AGAP1: variants seen among roughly 807,000 people sequenced by gnomAD.
The protein encoded by AGAP1 is arf-GAP with GTPase, ANK repeat and PH domain-containing protein 1.
A neutral mutation model predicts 105.3 loss-of-function variants in AGAP1; 29 were observed. The ratio of observed to expected loss-of-function variants is 0.28; its 90% confidence interval spans 0.21 to 0.38. AGAP1 has a LOEUF of 0.38. Ranked by LOEUF, AGAP1 falls within the 10% of genes least tolerant of loss-of-function variation. The pLI is 1.00. For synonymous variants in AGAP1, 509 were observed against 485.9 expected (o/e 1.05, Z -0.63); for missense variants, 998 against 1,165.1 (o/e 0.86, Z 2.09).
chr2:236,108,546 C>G (rs2059560412), intron 16 of AGAP1, among the ~76,000 whole-genome samples: 1 of 152,194 alleles, frequency 6.6e-6, no homozygotes, highest in African/African-American at 2.4e-5. Context: ...GCAGCTGTTT[C>G]CAAAGGAAAG....
At chr2:235,880,348 G>A (rs1166385075) in intron 9 of AGAP1, among the ~76,000 whole-genome samples, 2 of 152,112 alleles carry the variant, frequency 1.3e-5, no homozygotes, top group African/African-American at 4.8e-5. Context: ...GCATTTGTCT[G>A]AGTGGGAAGG....
intron 9 of AGAP1, among the ~76,000 whole-genome samples, chr2:235,854,580 T>C (rs1416462951): frequency 2.0e-5 from 3 of 152,194 alleles, no homozygotes; most frequent in Non-Finnish European, 4.4e-5. Flanking sequence ...CAGCGCATTA[T>C]AGGAAACCAG....
chr2:235,568,552 G>T (rs1944421016), intron 1 of AGAP1, among the ~76,000 whole-genome samples: 1 of 152,196 alleles, frequency 6.6e-6, no homozygotes, highest in South Asian at 2.1e-4. Flanking sequence ...CAGACGGCAG[G>T]AAGGAGAAGC....
rs2049131184 is a variant in AGAP1 at position 235,865,622 on chromosome 2, C to G, written c.1051-17723C>G. On this transcript the variant is annotated intron_variant, in intron 9 of 17. Transcript: ENST00000304032. The surrounding 1 kb of genome is among the most constrained non-coding windows in gnomAD (Gnocchi z 6.2). ...AACTCCCTCCACTGTACAGAAGGAG[C>G]TGCAGAAAAGCCTCCATTTGTAAAA... Among the ~76,000 whole-genome samples, 2 of 152,112 alleles carry G rather than the reference C, an allele frequency of 1.3e-5. No individual in the cohort carries two copies. The highest frequency in any genetic ancestry group is 2.1e-4 in the South Asian group (1 of 4,828).
intron 9 of AGAP1, among the ~76,000 whole-genome samples, chr2:235,859,639 C>A (rs910706608): frequency 6.6e-6 from 1 of 151,360 alleles, no homozygotes; most frequent in Non-Finnish European, 1.5e-5. Context: ...CAGAGAGACT[C>A]GCATTTGTCC....
At chr2:235,997,142 T>C (rs1402091531) in intron 13 of AGAP1, among the ~76,000 whole-genome samples, 2 of 152,230 alleles carry the variant, frequency 1.3e-5, no homozygotes, top group African/African-American at 4.8e-5. Flanking sequence ...CAGACTGTAG[T>C]GCCACGGCGC....
chr2:235,583,896 G>A (rs1439157200), intron 1 of AGAP1, among the ~76,000 whole-genome samples: 1 of 151,528 alleles, frequency 6.6e-6, no homozygotes, highest in Admixed American at 6.6e-5. Flanking sequence ...AAAAAGATGG[G>A]GTCTCACTTT....
intron 1 of AGAP1, among the ~76,000 whole-genome samples, chr2:235,565,448 T>C (rs1049939256): frequency 6.6e-6 from 1 of 152,252 alleles, no homozygotes; most frequent in African/African-American, 2.4e-5. Context: ...CATTGTTGCC[T>C]GTGCAGTTAC....
chr2:235,873,134 A>G (rs544858673), intron 9 of AGAP1, among the ~76,000 whole-genome samples: 1 of 152,346 alleles, frequency 6.6e-6, no homozygotes, highest in Admixed American at 6.5e-5. Flanking sequence ...GGATCATGCA[A>G]AACATTTTTG....
rs1054755398 is a variant in AGAP1 at position 236,020,425 on chromosome 2, C to T, written c.1646-16136C>T. Among the ~76,000 whole-genome samples, 1 of 152,204 alleles carries T rather than the reference C, an allele frequency of 6.6e-6. No individual in the cohort carries two copies. The highest frequency in any genetic ancestry group is 2.4e-5 in the African/African-American group (1 of 41,450). On this transcript the variant is annotated intron_variant, in intron 13 of 17. Coordinates refer to ENST00000304032, the MANE Select transcript of AGAP1 (RefSeq NM_001037131.3). The surrounding 1 kb of genome is among the most constrained non-coding windows in gnomAD (Gnocchi z 5.0). ...CCTGTTATCTAGACTTTTAAACCTA[C>T]CCTCCTGCTTCCATTTGCTGTCATC...
intron 14 of AGAP1, among the ~76,000 whole-genome samples, chr2:236,039,122 A>T (rs2057471447): frequency 6.6e-6 from 1 of 152,150 alleles, no homozygotes; most frequent in Admixed American, 6.6e-5. Context: ...CATAATATTA[A>T]ATGCATACTT....
chr2:236,112,824 G>A (rs2125943368), intron 16 of AGAP1, among the ~76,000 whole-genome samples: 1 of 152,382 alleles, frequency 6.6e-6, no homozygotes, highest in East Asian at 1.9e-4. Flanking sequence ...CTAGGTTGCT[G>A]GCCGGCCACC....
chr2:235,791,560 G>T (rs570484820), intron 6 of AGAP1, among the ~76,000 whole-genome samples: 1 of 149,890 alleles, frequency 6.7e-6, no homozygotes, highest in Non-Finnish European at 1.5e-5. Flanking sequence ...TTTTTTTTTT[G>T]AGACGGATTC....
intron 11 of AGAP1, among the ~76,000 whole-genome samples, chr2:235,917,581 A>G (rs1262975737): frequency 6.6e-6 from 1 of 151,994 alleles, no homozygotes; most frequent in Non-Finnish European, 1.5e-5. Context: ...GGACCGGGGT[A>G]ATAAGGAGAG....
In AGAP1 at chr2:235,535,132, A is replaced by G. The variant is rs1267834273; in HGVS notation, c.163+40283A>G. ...CTCGCCAGGGCCAATACTTATCCGC[A>G]GGGGTGTGTGCCAGGCAGCCCAGGT... On this transcript the variant is annotated intron_variant, in intron 1 of 17. Transcript: ENST00000304032. The surrounding 1 kb of genome is among the most constrained non-coding windows in gnomAD (Gnocchi z 5.1). Among the ~76,000 whole-genome samples the G allele has an allele frequency of 1.3e-5, 2 of 152,114 alleles. No individual in the cohort carries two copies. The highest frequency in any genetic ancestry group is 3.9e-4 in the East Asian group (2 of 5,174).
intron 6 of AGAP1, among the ~76,000 whole-genome samples, chr2:235,776,656 T>G (rs1955887669): frequency 6.6e-6 from 1 of 152,180 alleles, no homozygotes; most frequent in Admixed American, 6.5e-5. Flanking sequence ...CACTCGCTCA[T>G]GAGCAGCTAT....
intron 13 of AGAP1, among the ~76,000 whole-genome samples, chr2:236,025,901 C>CGGGG (rs2057034616): frequency 8.9e-6 from 1 of 112,544 alleles, no homozygotes; most frequent in Admixed American, 8.1e-5. Flanking sequence ...GACTCCTTCT[C>CGGGG]GGGTGGGTGG....
At chr2:235,675,236 C>CT (rs756875508) in intron 1 of AGAP1, among the ~76,000 whole-genome samples, 69 of 144,220 alleles carry the variant, frequency 4.8e-4, no homozygotes, top group Non-Finnish European at 9.3e-4. Flanking sequence ...GTCGCCCAGG[C>CT]TGGAGTGCAG....
chr2:235,771,660 G>C (rs978833668), intron 6 of AGAP1, among the ~76,000 whole-genome samples: 1 of 152,110 alleles, frequency 6.6e-6, no homozygotes, highest in Non-Finnish European at 1.5e-5. Context: ...GTGTGACTCC[G>C]GCCGTTGTGG....
Sources: allele counts gnomAD v4.1 joint callset (sites outside exome capture counted in the v4.1 genomes callset), GRCh38; gene constraint gnomAD v4.1.1; non-coding constraint Gnocchi (gnomAD v3.1); transcripts MANE v1.5; gene names NCBI Gene and HGNC (gene_info 2026-07-23, HGNC 2026-07-21).